N4BP1: variants seen among roughly 807,000 people sequenced by gnomAD.
N4BP1 encodes NEDD4-binding protein 1.
Under a neutral mutation model 70.9 loss-of-function variants are expected in N4BP1, and 21 were observed. That is an observed-to-expected ratio of 0.30 (90% CI 0.21 to 0.43). The LOEUF is 0.43. Among genes scored for constraint, N4BP1 ranks in the 20% least tolerant of loss-of-function variants. The pLI, the probability that N4BP1 is intolerant of heterozygous loss-of-function variation, is 1.00. For synonymous variants in N4BP1, 387 were observed against 394.6 expected (o/e 0.98, Z 0.23); for missense variants, 936 against 1,069.4 (o/e 0.88, Z 1.74).
intron 2 of N4BP1, among the ~76,000 whole-genome samples, chr16:48,555,809 G>C (rs928487131): frequency 2.0e-5 from 3 of 152,138 alleles, no homozygotes; most frequent in Admixed American, 6.5e-5. Flanking sequence ...CTGGTTCTTA[G>C]AAAAACCAAG....
chr16:48,558,527 AC>A (rs1328619976), intron 2 of N4BP1, among the ~76,000 whole-genome samples: 1 of 152,178 alleles, frequency 6.6e-6, no homozygotes, highest in Non-Finnish European at 1.5e-5. Flanking sequence ...TCCAACAGTG[AC>A]CCTGCTGAGA....
intron 1 of N4BP1, among the ~76,000 whole-genome samples, chr16:48,578,980 T>C (rs1209031713): frequency 1.3e-5 from 2 of 152,028 alleles, no homozygotes; most frequent in Non-Finnish European, 2.9e-5. Flanking sequence ...TAGGTGAGAT[T>C]TTGCCCTTCC....
chr16:48,565,024 C>G (rs901086891), intron 1 of N4BP1, among the ~76,000 whole-genome samples: 1 of 152,144 alleles, frequency 6.6e-6, no homozygotes, highest in Non-Finnish European at 1.5e-5. Flanking sequence ...ATCTTGAAAC[C>G]TTCCTGAACT....
chr16:48,595,456 C>CAAAAAAA (rs373163833), intron 1 of N4BP1, among the ~76,000 whole-genome samples: 37 of 57,416 alleles, frequency 6.4e-4, no homozygotes, highest in Middle Eastern at 0.013. Context: ...GACTCTGTCT[C>CAAAAAAA]AAAAAAAAAA....
At chr16:48,601,080 T>C (rs1036209033) in intron 1 of N4BP1, among the ~76,000 whole-genome samples, 6 of 152,248 alleles carry the variant, frequency 3.9e-5, no homozygotes, top group African/African-American at 1.4e-4. Context: ...TGTCAAATAT[T>C]GTTTTGATTT....
intron 1 of N4BP1, among the ~76,000 whole-genome samples, chr16:48,606,138 T>C (rs1964578470): frequency 6.6e-6 from 1 of 152,108 alleles, no homozygotes; most frequent in Non-Finnish European, 1.5e-5. Context: ...AAGTCTTCCT[T>C]AAATGTTGAT....
chr16:48,561,317 A>G lies in N4BP1; in HGVS notation c.1326T>C (p.Phe442=). ...AHTQQNMVEK[F]SQLPFKVEAK... The stretch of plus-strand genomic sequence containing the variant: ...CTTCCACTTTGAATGGTAACTGAGA[A>G]AATTTTTCTACCATATTTTGCTGTG... The change falls in exon 2 of 7, where the codon TTT becomes TTC. Residue 442 remains phenylalanine, a synonymous_variant. Coordinates refer to ENST00000262384, the MANE Select transcript of N4BP1 (RefSeq NM_153029.4). 1 of 1,613,800 alleles carries G rather than the reference A, an allele frequency of 6.2e-7. No individual in the cohort carries two copies. The highest frequency in any genetic ancestry group is 8.5e-7 in the Non-Finnish European group (1 of 1,179,818).
At chr16:48,591,897 T>TC (rs146327853) in intron 1 of N4BP1, among the ~76,000 whole-genome samples, 76 of 127,636 alleles carry the variant, frequency 6.0e-4, no homozygotes, top group Middle Eastern at 3.9e-3. Flanking sequence ...TTTTTTTTTT[T>TC]TTCCAAGTTT....
chr16:48,558,319 A>AAAAAG (rs950285197), intron 2 of N4BP1, among the ~76,000 whole-genome samples: 19 of 56,080 alleles, frequency 3.4e-4, no homozygotes, highest in African/African-American at 2.2e-3. Context: ...AGAAGAAATA[A>AAAAAG]AAAAAGAAAG....
At position 48,562,058 on chromosome 16, in the gene N4BP1, ATTCTCCTCACCT is replaced by A. The variant is rs773378064; in HGVS notation, c.573_584del (p.Gln191_Asn195delinsHis). 8.0e-5 allele frequency: 129 copies of A among 1,613,862 alleles called. 3 individuals carry two copies. The South Asian group carries it at 1.4e-3, about 17-fold the overall frequency. ...CCTCATCATCTCCTGTTTCAAAGAG[ATTCTCCTCACCT>A]TGTGTGAGTGTCAAAAGTTCTTTTT... On this transcript the variant is annotated inframe_deletion, in exon 2 of 7. Coordinates refer to ENST00000262384, the MANE Select transcript of N4BP1 (RefSeq NM_153029.4).
chr16:48,553,543 G>C lies in N4BP1; in HGVS notation c.2016C>G (p.Val672=). 6.5e-7 allele frequency: 1 copy of C among 1,545,068 alleles called. No individual in the cohort carries two copies. Among genetic ancestry groups the C allele is most frequent in the Non-Finnish European group, 8.7e-7 (1 of 1,149,736 alleles). ...GAAAAAATCAGTTTGCCTCACCTGT[G>C]ACATTAGGATCACGCCTTGTTCTCC... ...PQWRTRRDPN[V]TEQHFLTQLQ... is the part of the protein sequence containing the mutation. Residue 672 remains valine, a synonymous_variant, in exon 3 of 7, where the codon GTC becomes GTG. Transcript: ENST00000262384.
rs71134556 is a variant in N4BP1, at chr16:48,552,699, G to GAAAAAAAAAAAAAAA, written c.2020+825_2020+839dup. 1.1e-4 allele frequency among the ~76,000 whole-genome samples: 2 copies of GAAAAAAAAAAAAAAA among 18,506 alleles called. 1 individual carries two copies. The highest frequency in any genetic ancestry group is 2.7e-4 in the Non-Finnish European group (2 of 7,438). The allele number at this position is 18,506 out of a possible 152,430, so 12.1% of individuals were successfully genotyped here. On this transcript the variant is annotated intron_variant, in intron 3 of 6. Coordinates refer to ENST00000262384, the MANE Select transcript of N4BP1 (RefSeq NM_153029.4). The stretch of plus-strand genomic sequence containing the variant: ...AGCGACAGAGCGAGACTCCGTCTCA[G>GAAAAAAAAAAAAAAA]AAAAAAAAAAAAAAAAAAAAAAAAA...
intron 1 of N4BP1, among the ~76,000 whole-genome samples, chr16:48,608,755 TA>T (rs561784619): frequency 3.1e-3 from 415 of 133,992 alleles, no homozygotes; most frequent in African/African-American, 4.4e-3. Context: ...AGCTGTTAAT[TA>T]AAAAAAAAAA....
At chr16:48,546,859 C>T (rs1963598275) in intron 5 of N4BP1, among the ~76,000 whole-genome samples, 1 of 152,190 alleles carries the variant, frequency 6.6e-6, no homozygotes, top group Non-Finnish European at 1.5e-5. Flanking sequence ...CTGGAGAACA[C>T]CAGTCTTGAC....
At chr16:48,604,417 G>A (rs1039123231) in intron 1 of N4BP1, among the ~76,000 whole-genome samples, 23 of 152,066 alleles carry the variant, frequency 1.5e-4, no homozygotes, top group African/African-American at 5.3e-4. Context: ...CATGGGCATG[G>A]TGGCACATGC....
At chr16:48,602,481 T>G (rs1048661720) in intron 1 of N4BP1, among the ~76,000 whole-genome samples, 1 of 152,160 alleles carries the variant, frequency 6.6e-6, no homozygotes, top group African/African-American at 2.4e-5. Flanking sequence ...CAATCACTTC[T>G]GACCCCAGCA....
At position 48,561,737 on chromosome 16, in the gene N4BP1, T is replaced by C; in HGVS notation, c.906A>G (p.Glu302=). 1.9e-6 allele frequency: 3 copies of C among 1,612,328 alleles called. No homozygotes were observed. Among genetic ancestry groups the C allele is most frequent in the Non-Finnish European group, 2.5e-6 (3 of 1,179,872 alleles). Residue 302 remains glutamate (E), a synonymous_variant, in exon 2 of 7, where the codon GAA becomes GAG. Coordinates refer to ENST00000262384, the MANE Select transcript of N4BP1 (RefSeq NM_153029.4). ...GTAAAATCTCCCCCTCCTGAACATT[T>C]TCCAAAGAAAACTGCTTCTTCGTAT... ...ERHTKKQFSL[E]NVQEGEILHD...
At chr16:48,557,109 T>C (rs1349393348) in intron 2 of N4BP1, among the ~76,000 whole-genome samples, 1 of 152,166 alleles carries the variant, frequency 6.6e-6, no homozygotes, top group East Asian at 1.9e-4. Flanking sequence ...CATGGTGGTA[T>C]GGGCTGCAGA....
Position 48,571,254 on chromosome 16 carries a change from C to T in N4BP1, c.199-8810G>A, listed in dbSNP as rs138318874. On this transcript the variant is annotated intron_variant, in intron 1 of 6. Coordinates refer to ENST00000262384, the MANE Select transcript of N4BP1 (RefSeq NM_153029.4). ...AAGGAAAAGTTGATCATATCTCCTC[C>T]GTGGGCCACCAGCAACAACCAGCCA... is the stretch of plus-strand genomic sequence containing the variant. Among the ~76,000 whole-genome samples, 749 of 152,284 alleles carry T rather than the reference C, an allele frequency of 4.9e-3. 7 individuals are homozygous for T. The highest frequency in any genetic ancestry group is 0.017 in the African/African-American group (701 of 41,556).
Sources: allele counts gnomAD v4.1 joint callset (sites outside exome capture counted in the v4.1 genomes callset), GRCh38; gene constraint gnomAD v4.1.1; transcripts MANE v1.5; gene names NCBI Gene and HGNC (gene_info 2026-07-23, HGNC 2026-07-21).